Variants in TRAPPC9 observed in about 807,000 individuals in gnomAD.
TRAPPC9 encodes trafficking protein particle complex subunit 9.
A neutral mutation model predicts 124.0 loss-of-function variants in TRAPPC9; 83 were observed. The ratio of observed to expected loss-of-function variants is 0.67; its 90% CI spans 0.56 to 0.80. The LOEUF is 0.80. Ranked by LOEUF, TRAPPC9 falls within the 30% of genes least tolerant of loss-of-function variation. TRAPPC9 has a pLI of 0.00. For missense variants in TRAPPC9, 1,302 were observed against 1,508.3 expected (o/e 0.86, Z 2.27); for synonymous variants, 638 against 617.5 (o/e 1.03, Z -0.49).
rs538083504 is a variant in TRAPPC9, at chr8:140,447,474, G to GA, written c.584+3315dup. On this transcript the variant is annotated intron_variant, in intron 2 of 22. Transcript: ENST00000438773. Reference sequence around the variant, plus strand: ...AACACACTCACAGGGCAGTATGACAGAAAAAAAGAAAAAGAAAAAGAAAAG... The same window carrying GA: ...AACACACTCACAGGGCAGTATGACAGAAAAAAAAGAAAAAGAAAAAGAAAAG... Among the ~76,000 whole-genome samples the GA allele has an allele frequency of 2.2e-4, 33 of 150,714 alleles. No homozygotes were observed. The East Asian group carries it at 5.6e-3, about 26-fold the overall frequency.
intron 21 of TRAPPC9, among the ~76,000 whole-genome samples, chr8:139,786,864 G>A (rs1253594101): frequency 6.6e-6 from 1 of 152,114 alleles, no homozygotes; most frequent in Admixed American, 6.6e-5. Flanking sequence ...GACAGAAAAC[G>A]GGTCAGTGAT....
At chr8:139,922,918 C>A (rs1832599569) in intron 19 of TRAPPC9, among the ~76,000 whole-genome samples, 2 of 152,306 alleles carry the variant, frequency 1.3e-5, no homozygotes, top group East Asian at 3.9e-4. Context: ...TTAAAGCAAG[C>A]AAGCAAGAGA....
intron 19 of TRAPPC9, among the ~76,000 whole-genome samples, chr8:139,913,031 T>C (rs912531524): frequency 6.6e-6 from 1 of 152,238 alleles, no homozygotes; most frequent in African/African-American, 2.4e-5. Flanking sequence ...GTTCTCTTCC[T>C]GTTGAACACA....
At chr8:139,917,816 A>G (rs1192601782) in intron 19 of TRAPPC9, among the ~76,000 whole-genome samples, 1 of 152,220 alleles carries the variant, frequency 6.6e-6, no homozygotes, top group Admixed American at 6.5e-5. Flanking sequence ...AAGGGTCCAC[A>G]GAGTCGTCCC....
At chr8:140,157,742 T>C (rs984831414) in intron 17 of TRAPPC9, among the ~76,000 whole-genome samples, 2 of 151,874 alleles carry the variant, frequency 1.3e-5, no homozygotes, top group Non-Finnish European at 2.9e-5. Context: ...GCATTTTCAC[T>C]GTCAAAACAT....
intron 19 of TRAPPC9, among the ~76,000 whole-genome samples, chr8:139,917,191 T>G (rs1832204860): frequency 1.3e-5 from 2 of 148,906 alleles, no homozygotes; most frequent in Non-Finnish European, 3.0e-5. Context: ...TTTTTTTTGT[T>G]GAGACGGAGT....
In TRAPPC9 at chr8:140,451,194, G is replaced by A; in HGVS notation, c.180C>T (p.His60=). 1.2e-6 allele frequency: 2 copies of A among 1,614,192 alleles called. No individual in the cohort carries two copies. The highest frequency in any genetic ancestry group is 1.7e-6 in the Non-Finnish European group (2 of 1,180,040). The part of the protein sequence containing the change: ...QRVLYIRYRH[H]YPPENNEWGD... ...CCCACTCGTTGTTCTCGGGTGGGTA[G>A]TGGTGCCTGTAGCGGATGTAGAGGA... Residue 60 remains histidine (H), a synonymous_variant, in exon 2 of 23, where the codon CAC becomes CAT. Coordinates refer to ENST00000438773, the MANE Select transcript of TRAPPC9 (RefSeq NM_001160372.4).
intron 17 of TRAPPC9, among the ~76,000 whole-genome samples, chr8:140,128,040 G>A (rs992522979): frequency 2.6e-5 from 4 of 152,350 alleles, no homozygotes; most frequent in African/African-American, 9.6e-5. Flanking sequence ...ATGGTGAAGA[G>A]CTAAATTGGC....
In TRAPPC9 at chr8:140,275,752, A is replaced by G; in HGVS notation, c.2184T>C (p.Asn728=). 1.9e-6 allele frequency: 3 copies of G among 1,613,804 alleles called. No homozygotes were observed. The highest frequency in any genetic ancestry group is 2.5e-6 in the Non-Finnish European group (3 of 1,179,672). The change falls in exon 15 of 23, where the codon AAT becomes AAC. Residue 728 remains asparagine (N), a synonymous_variant. Coordinates refer to ENST00000438773, the MANE Select transcript of TRAPPC9 (RefSeq NM_001160372.4). ...ISTNVSVQLY[N]GESQQLIIKL... is the part of the protein sequence containing the mutation. The stretch of plus-strand genomic sequence containing the variant: ...TAATGATTAGTTGCTGACTTTCTCC[A>G]TTGTAAAGCTGGACAGATACATTAG...
intron 17 of TRAPPC9, among the ~76,000 whole-genome samples, chr8:140,144,619 G>A (rs1280114873): frequency 2.6e-5 from 4 of 152,086 alleles, no homozygotes; most frequent in Non-Finnish European, 5.9e-5. Flanking sequence ...CTCCTGAGTA[G>A]CTGGGATTAC....
chr8:140,232,244 C>T (rs1279424289), intron 16 of TRAPPC9, among the ~76,000 whole-genome samples: 6 of 151,964 alleles, frequency 3.9e-5, no homozygotes, highest in Admixed American at 2.0e-4. Flanking sequence ...GACCATAAAT[C>T]ACTTCTCTGT....
At chr8:139,800,265 T>C (rs1823391605) in intron 21 of TRAPPC9, among the ~76,000 whole-genome samples, 1 of 152,208 alleles carries the variant, frequency 6.6e-6, no homozygotes, top group Non-Finnish European at 1.5e-5. Context: ...CAGCATTCTG[T>C]GGCTGGCCAA....
At position 140,285,553 on chromosome 8, in the gene TRAPPC9, A is replaced by C. The variant is rs2065458662; in HGVS notation, c.1982-1532T>G. Among the ~76,000 whole-genome samples the C allele has an allele frequency of 3.9e-5, 6 of 152,114 alleles. No individual in the cohort carries two copies. The South Asian group carries it at 1.2e-3, about 31-fold the overall frequency. ...CCTTTGGCACCGTGTGTAAGAACCC[A>C]GGTCGGCCCTCTGCCTCCCTTCCAG... is the stretch of plus-strand genomic sequence containing the variant. On this transcript the variant is annotated intron_variant, in intron 13 of 22. Transcript: ENST00000438773.
chr8:140,125,371 C>G (rs1009169799), intron 17 of TRAPPC9, among the ~76,000 whole-genome samples: 1 of 152,188 alleles, frequency 6.6e-6, no homozygotes, highest in Non-Finnish European at 1.5e-5. Context: ...AGAACCTAGT[C>G]ACTGACACAG....
intron 19 of TRAPPC9, among the ~76,000 whole-genome samples, chr8:139,978,353 T>C (rs1563658967): frequency 6.6e-6 from 1 of 152,194 alleles, no homozygotes; most frequent in South Asian, 2.1e-4. Flanking sequence ...TGTTAGGAAA[T>C]AGGTCACTGA....
intron 17 of TRAPPC9, among the ~76,000 whole-genome samples, chr8:140,142,423 C>T (rs929929832): frequency 3.3e-5 from 5 of 152,224 alleles, no homozygotes; most frequent in South Asian, 2.1e-4. Flanking sequence ...TGGTGTGGGC[C>T]GGCACCGCAG....
chr8:139,910,531 T>C (rs1831657945), intron 19 of TRAPPC9, among the ~76,000 whole-genome samples: 1 of 152,214 alleles, frequency 6.6e-6, no homozygotes, highest in South Asian at 2.1e-4. Flanking sequence ...GCTTCAAACC[T>C]CTGGGAAGAC....
At chr8:139,740,718 G>A (rs928470588) in intron 21 of TRAPPC9, among the ~76,000 whole-genome samples, 2 of 152,238 alleles carry the variant, frequency 1.3e-5, no homozygotes, top group South Asian at 2.1e-4. Context: ...AGGCCCACAC[G>A]GGCGGTGAGC....
chr8:139,993,330 T>C (rs1306702543), intron 18 of TRAPPC9, among the ~76,000 whole-genome samples: 4 of 152,272 alleles, frequency 2.6e-5, no homozygotes, highest in African/African-American at 9.6e-5. Context: ...ATCCAACTAG[T>C]AGTTAGAGAA....
Sources: gnomAD v4.1 joint callset for allele counts (sites outside exome capture counted in the v4.1 genomes callset) on GRCh38, gnomAD v4.1.1 for gene constraint, MANE v1.5 for transcripts, NCBI Gene and HGNC (gene_info 2026-07-23, HGNC 2026-07-21) for gene names.